Variants in GRIN2B observed in about 807,000 individuals in gnomAD.
The protein encoded by GRIN2B is glutamate ionotropic receptor NMDA type subunit 2B, also known as glutamate receptor ionotropic, NMDA 2B.
In GRIN2B, 5 loss-of-function variants were observed where a neutral mutation model predicts 114.5. The observed-to-expected ratio is 0.04, with a 90% CI of 0.02 to 0.09. GRIN2B has a LOEUF of 0.09. Ranked by LOEUF, GRIN2B falls within the 10% of genes least tolerant of loss-of-function variation. GRIN2B has a pLI of 1.00. For synonymous variants in GRIN2B, 787 were observed against 745.1 expected, an observed-to-expected ratio of 1.06 and a Z score of -0.92; for missense variants, 1,108 against 1,943.5, an observed-to-expected ratio of 0.57 and a Z score of 8.08.
At chr12:13,936,618 G>A (rs1289318797) in intron 2 of GRIN2B, among the ~76,000 whole-genome samples, 1 of 152,074 alleles carries the variant, frequency 6.6e-6, no homozygotes, top group Non-Finnish European at 1.5e-5. Context: ...AGAATCTAGT[G>A]TCTCTAAAAC....
At chr12:13,837,930 C>A (rs953088521) in intron 3 of GRIN2B, among the ~76,000 whole-genome samples, 5 of 152,156 alleles carry the variant, frequency 3.3e-5, no homozygotes, top group African/African-American at 4.8e-5. Context: ...CATGGGCACA[C>A]TGCGTTTCTA....
At chr12:13,849,192 G>A in intron 3 of GRIN2B, among the ~76,000 whole-genome samples, 1 of 151,922 alleles carries the variant, frequency 6.6e-6, no homozygotes, top group East Asian at 1.9e-4. Context: ...CAGGCAAGCA[G>A]GACAAGAACT....
chr12:13,899,445 T>C lies in GRIN2B; in HGVS notation c.-18-33219A>G, dbSNP rs377127152. ...GTAGGGCAATCGGGGAGGTACCTTA[T>C]GTAAGCCATGTTCAACCCAAATGAA... On this transcript the variant is annotated intron_variant, in intron 2 of 13. Coordinates refer to ENST00000609686, the MANE Select transcript of GRIN2B (RefSeq NM_000834.5). Among the ~76,000 whole-genome samples the C allele has an allele frequency of 4.2e-4, 45 of 106,456 alleles. 4 individuals are homozygous for C. In the South Asian group the frequency reaches 0.011, roughly 27 times the overall value. 69.8% of individuals were successfully genotyped at this position (106,456 alleles called of 152,430 possible). A position where few individuals can be genotyped will look rare whatever the true frequency, so the allele number is the denominator to read the frequency against.
chr12:13,793,939 C>T (rs78079341), intron 3 of GRIN2B, among the ~76,000 whole-genome samples: 5,554 of 149,772 alleles, frequency 0.037, 129 homozygotes, highest in African/African-American at 0.063. Context: ...CAGTGGCTCA[C>T]ACCTGTAATC....
intron 4 of GRIN2B, among the ~76,000 whole-genome samples, chr12:13,732,212 A>G (rs867026189): frequency 2.0e-5 from 3 of 151,962 alleles, no homozygotes; most frequent in Non-Finnish European, 2.9e-5. Flanking sequence ...TGACTTAATT[A>G]AGATCACATA....
chr12:13,813,085 G>A (rs1234046147), intron 3 of GRIN2B, among the ~76,000 whole-genome samples: 7 of 151,560 alleles, frequency 4.6e-5, no homozygotes, highest in East Asian at 1.9e-4. Context: ...GACTACAGAC[G>A]TCCGCCACCA....
intron 3 of GRIN2B, among the ~76,000 whole-genome samples, chr12:13,764,431 A>T (rs1462268597): frequency 2.0e-5 from 3 of 152,104 alleles, no homozygotes; most frequent in Non-Finnish European, 4.4e-5. Context: ...TAAAGACCCC[A>T]ACGGAATGCT....
At chr12:13,655,126 G>A (rs1949850314) in intron 5 of GRIN2B, among the ~76,000 whole-genome samples, 1 of 152,036 alleles carries the variant, frequency 6.6e-6, no homozygotes, top group Admixed American at 6.6e-5. Flanking sequence ...GACTTAGTAG[G>A]GTGGTAGTTG....
At chr12:13,693,204 C>G (rs1288248264) in intron 4 of GRIN2B, among the ~76,000 whole-genome samples, 1 of 151,994 alleles carries the variant, frequency 6.6e-6, no homozygotes, top group Non-Finnish European at 1.5e-5. Flanking sequence ...GTCTTTATAC[C>G]AATTAGCTGA....
chr12:13,819,004 A>G (rs1004837374), intron 3 of GRIN2B, among the ~76,000 whole-genome samples: 3 of 152,196 alleles, frequency 2.0e-5, no homozygotes, highest in Admixed American at 6.5e-5. Flanking sequence ...TCCAATGTCT[A>G]TATGTTGAAG....
intron 3 of GRIN2B, among the ~76,000 whole-genome samples, chr12:13,822,642 C>A (rs1430486098): frequency 2.0e-5 from 3 of 151,964 alleles, no homozygotes; most frequent in Admixed American, 2.0e-4. Context: ...TACAAAAACA[C>A]AGTGATAAAA....
chr12:13,897,573 G>C (rs1866374027), intron 2 of GRIN2B, among the ~76,000 whole-genome samples: 1 of 152,104 alleles, frequency 6.6e-6, no homozygotes, highest in Non-Finnish European at 1.5e-5. Flanking sequence ...AATGAGTCGA[G>C]AGCCCTTAGA....
At position 13,566,708 on chromosome 12, in the gene GRIN2B, A is replaced by G. The variant is rs77862175; in HGVS notation, c.2598+317T>C. The stretch of plus-strand genomic sequence containing the variant: ...ATTAGACAGTTAATACAATTTATAC[A>G]GAACCAACTAATGGTGATGAAAGAC... On this transcript the variant is annotated intron_variant, in intron 13 of 13. Coordinates refer to ENST00000609686, the MANE Select transcript of GRIN2B (RefSeq NM_000834.5). 2.5e-3 allele frequency among the ~76,000 whole-genome samples: 377 copies of G among 152,386 alleles called. 2 individuals are homozygous for G. The highest frequency in any genetic ancestry group is 8.6e-3 in the African/African-American group (356 of 41,596).
intron 3 of GRIN2B, among the ~76,000 whole-genome samples, chr12:13,825,144 A>G (rs1865009710): frequency 6.6e-6 from 1 of 151,912 alleles, no homozygotes; most frequent in East Asian, 1.9e-4. Flanking sequence ...TTCAGTCCAA[A>G]ATATATCCTG....
At chr12:13,900,600 C>T (rs1244412189) in intron 2 of GRIN2B, among the ~76,000 whole-genome samples, 2 of 152,120 alleles carry the variant, frequency 1.3e-5, no homozygotes, top group African/African-American at 4.8e-5. Context: ...TGTGCCCTTC[C>T]CATATTATAA....
intron 4 of GRIN2B, among the ~76,000 whole-genome samples, chr12:13,693,645 G>A (rs375416843): frequency 8.5e-5 from 13 of 152,272 alleles, no homozygotes; most frequent in African/African-American, 2.9e-4. Flanking sequence ...GAAAGACAGG[G>A]ATTCAATATC....
chr12:13,839,257 C>T (rs893355461), intron 3 of GRIN2B, among the ~76,000 whole-genome samples: 1 of 152,168 alleles, frequency 6.6e-6, no homozygotes, highest in Non-Finnish European at 1.5e-5. Flanking sequence ...CATGCAGAGA[C>T]ATCCACAGAA....
intron 2 of GRIN2B, among the ~76,000 whole-genome samples, chr12:13,871,972 T>C (rs7959821): frequency 0.67 from 101,492 of 151,492 alleles, 34,367 homozygotes; most frequent in African/African-American, 0.76. Context: ...GTCCTCCACT[T>C]CCCACCCAAT....
At chr12:13,625,581 T>G (rs1332908161) in intron 5 of GRIN2B, among the ~76,000 whole-genome samples, 1 of 152,202 alleles carries the variant, frequency 6.6e-6, no homozygotes, top group African/African-American at 2.4e-5. Flanking sequence ...AAAACATCAG[T>G]GCAGCTCCTT....
Sources: allele counts gnomAD v4.1 joint callset (sites outside exome capture counted in the v4.1 genomes callset), GRCh38; gene constraint gnomAD v4.1.1; transcripts MANE v1.5; gene names NCBI Gene and HGNC (gene_info 2026-07-23, HGNC 2026-07-21).